The following SOX5 variants were observed in gnomAD, a reference collection of about 807,000 sequenced individuals.
SOX5 encodes transcription factor SOX-5.
Under a neutral mutation model 92.0 loss-of-function variants are expected in SOX5, and 9 were observed. The observed-to-expected ratio is 0.10, with a 90% CI of 0.06 to 0.17. The LOEUF (loss-of-function observed/expected upper bound fraction) is 0.17, where lower values mean the gene tolerates loss of function less well. SOX5 is among the 10% of genes least tolerant of loss of function. The pLI is 1.00. For synonymous variants in SOX5, 344 were observed against 336.3 expected, an observed-to-expected ratio of 1.02 and a Z score of -0.25; for missense variants, 642 against 944.5, an observed-to-expected ratio of 0.68 and a Z score of 4.20.
At chr12:24,271,653 T>C (rs1418811094) in intron 3 of SOX5, among the ~76,000 whole-genome samples, 1 of 152,204 alleles carries the variant, frequency 6.6e-6, no homozygotes, top group African/African-American at 2.4e-5. Context: ...GATTTTTCTG[T>C]GTGATGTGAA....
At chr12:23,579,878 G>C (rs1319187248) in intron 9 of SOX5, among the ~76,000 whole-genome samples, 2 of 152,070 alleles carry the variant, frequency 1.3e-5, no homozygotes, top group Non-Finnish European at 2.9e-5. Flanking sequence ...CAAGCAGTGA[G>C]CAAAGCAATT....
chr12:24,330,318 C>A (rs1951160901), intron 2 of SOX5, among the ~76,000 whole-genome samples: 1 of 151,930 alleles, frequency 6.6e-6, no homozygotes, highest in Non-Finnish European at 1.5e-5. Flanking sequence ...TTTTGTATAA[C>A]AGGTATACCT....
At chr12:23,887,133 C>T (rs896202286) in intron 2 of SOX5, among the ~76,000 whole-genome samples, 27 of 152,134 alleles carry the variant, frequency 1.8e-4, no homozygotes, top group African/African-American at 6.0e-4. Context: ...ACCAACAGAT[C>T]TTTATTAATC....
At chr12:24,177,223 A>T (rs987547427) in intron 4 of SOX5, among the ~76,000 whole-genome samples, 14 of 152,280 alleles carry the variant, frequency 9.2e-5, no homozygotes, top group African/African-American at 2.9e-4. Flanking sequence ...TTAGCTGAGG[A>T]AACTGAAGAA....
chr12:23,873,896 T>A (rs920554793), intron 2 of SOX5, among the ~76,000 whole-genome samples: 2 of 152,158 alleles, frequency 1.3e-5, no homozygotes, highest in East Asian at 1.9e-4. Flanking sequence ...AGATAAAAAA[T>A]TTTTCCAATA....
intron 4 of SOX5, among the ~76,000 whole-genome samples, chr12:23,961,209 A>G (rs4963733): frequency 0.31 from 46,466 of 151,996 alleles, 7,966 homozygotes; most frequent in East Asian, 0.67. Flanking sequence ...CTTAAATTAG[A>G]ATTTTAGTTT....
intron 3 of SOX5, among the ~76,000 whole-genome samples, chr12:23,841,101 A>G (rs2096508461): frequency 6.6e-6 from 1 of 152,170 alleles, no homozygotes; most frequent in Non-Finnish European, 1.5e-5. Flanking sequence ...AAGAAGTTGT[A>G]TACAAAATAT....
In SOX5 at chr12:23,539,344, C is replaced by T. The variant is rs528047587; in HGVS notation, c.1772-2675G>A. Among the ~76,000 whole-genome samples, 385 of 152,188 alleles carry T rather than the reference C, an allele frequency of 2.5e-3. 1 individual carries two copies. The highest frequency in any genetic ancestry group is 8.7e-3 in the African/African-American group (360 of 41,542). The stretch of plus-strand genomic sequence containing the variant: ...GAAAGTTATAGTTCCTGTCTCTTTG[C>T]AGCTTATATTCAGTCAGGGAATATA... On this transcript the variant is annotated intron_variant, in intron 13 of 14. Transcript: ENST00000451604.
chr12:23,671,924 G>A (rs1258813434), intron 6 of SOX5, among the ~76,000 whole-genome samples: 1 of 151,810 alleles, frequency 6.6e-6, no homozygotes, highest in East Asian at 1.9e-4. Context: ...ACTCTTCTTC[G>A]GCAAAAAGCC....
chr12:24,394,831 G>A (rs758800612), intron 1 of SOX5, among the ~76,000 whole-genome samples: 4 of 152,164 alleles, frequency 2.6e-5, no homozygotes, highest in Non-Finnish European at 5.9e-5. Flanking sequence ...AAAAATTGTA[G>A]TTCAATTTGC....
intron 8 of SOX5, among the ~76,000 whole-genome samples, chr12:23,613,976 C>T (rs1274976804): frequency 2.6e-5 from 4 of 152,148 alleles, no homozygotes; most frequent in African/African-American, 9.7e-5. Context: ...CATGTCAAAA[C>T]CTGGTGGCCC....
At chr12:23,970,529 A>G (rs190476412) in intron 4 of SOX5, among the ~76,000 whole-genome samples, 3 of 151,832 alleles carry the variant, frequency 2.0e-5, no homozygotes, top group Non-Finnish European at 2.9e-5. Context: ...TACATATTTC[A>G]TGTAAGTGTA....
intron 3 of SOX5, among the ~76,000 whole-genome samples, chr12:23,820,490 T>C (rs1050973865): frequency 1.3e-5 from 2 of 152,252 alleles, no homozygotes; most frequent in Admixed American, 1.3e-4. Context: ...AGTCATGAAA[T>C]CTTTGCCCAT....
intron 2 of SOX5, among the ~76,000 whole-genome samples, chr12:24,344,885 C>T (rs1358094977): frequency 6.6e-6 from 1 of 152,106 alleles, no homozygotes; most frequent in Non-Finnish European, 1.5e-5. Flanking sequence ...ACTATCTGAG[C>T]CCCAGTTATA....
At chr12:24,150,574 C>T (rs143210087) in intron 4 of SOX5, among the ~76,000 whole-genome samples, 11 of 152,106 alleles carry the variant, frequency 7.2e-5, no homozygotes, top group East Asian at 3.9e-4. Flanking sequence ...GAAGGTAAAA[C>T]GCCCAACAGA....
chr12:24,520,033 A>C (rs1484955444), intron 1 of SOX5, among the ~76,000 whole-genome samples: 2 of 151,764 alleles, frequency 1.3e-5, no homozygotes, highest in African/African-American at 2.4e-5. Flanking sequence ...ATATTCAAGT[A>C]CTAAAAGAAA....
intron 1 of SOX5, among the ~76,000 whole-genome samples, chr12:23,946,250 A>T (rs1474978920): frequency 6.6e-6 from 1 of 152,090 alleles, no homozygotes; most frequent in African/African-American, 2.4e-5. Context: ...TAATTTGCAT[A>T]ATCCCACTAC....
At chr12:24,043,027 TGG>T (rs1438467102) in intron 4 of SOX5, among the ~76,000 whole-genome samples, 1 of 152,182 alleles carries the variant, frequency 6.6e-6, no homozygotes, top group East Asian at 1.9e-4. Flanking sequence ...AACCTAATGT[TGG>T]GGCATATAAA....
At chr12:23,535,614 G>T (rs1940213466) in intron 14 of SOX5, among the ~76,000 whole-genome samples, 2 of 152,196 alleles carry the variant, frequency 1.3e-5, no homozygotes, top group Non-Finnish European at 2.9e-5. Context: ...TGGGCATTGT[G>T]TTTAGCTTTG....
Sources: allele counts gnomAD v4.1 joint callset (sites outside exome capture counted in the v4.1 genomes callset), GRCh38; gene constraint gnomAD v4.1.1; transcripts MANE v1.5; gene names NCBI Gene and HGNC (gene_info 2026-07-23, HGNC 2026-07-21).